Variants in NUP210 observed in about 807,000 individuals in gnomAD.
NUP210 encodes nuclear pore membrane glycoprotein 210.
NUP210 carries 151 observed loss-of-function variants against 196.0 expected under a neutral mutation model. That is an observed-to-expected ratio of 0.77 (90% confidence interval 0.67 to 0.88). The LOEUF (loss-of-function observed/expected upper bound fraction) is 0.88. Ranked by LOEUF, NUP210 falls within the 40% of genes least tolerant of loss-of-function variation. NUP210 has a pLI of 0.00. For synonymous variants in NUP210, 1,070 were observed against 1,052.7 expected (o/e 1.02, Z -0.32); for missense variants, 2,314 against 2,493.7 (o/e 0.93, Z 1.53).
At chr3:13,377,083 C>G (rs569823589) in intron 9 of NUP210, among the ~76,000 whole-genome samples, 1 of 152,212 alleles carries the variant, frequency 6.6e-6, no homozygotes, top group Non-Finnish European at 1.5e-5. Flanking sequence ...GGACGTGCTC[C>G]GTGACTCTCT....
chr3:13,333,066 T>C (rs1036847232), intron 28 of NUP210, among the ~76,000 whole-genome samples: 3 of 152,162 alleles, frequency 2.0e-5, no homozygotes, highest in Admixed American at 6.5e-5. Flanking sequence ...TCTGGCCATG[T>C]TCTTGCAGGA....
chr3:13,369,521 T>A (rs965242807), intron 13 of NUP210, among the ~76,000 whole-genome samples: 6 of 152,206 alleles, frequency 3.9e-5, no homozygotes, highest in African/African-American at 1.4e-4. Context: ...TTCCTCCAGT[T>A]TTCTTTTAGA....
chr3:13,324,215 C>T (rs1217252309), intron 33 of NUP210, among the ~76,000 whole-genome samples: 1 of 152,060 alleles, frequency 6.6e-6, no homozygotes. Context: ...TGGGACCCCC[C>T]AACGCTGGCC....
At chr3:13,388,745 A>G (rs1367966106) in intron 4 of NUP210, among the ~76,000 whole-genome samples, 1 of 152,208 alleles carries the variant, frequency 6.6e-6, no homozygotes, top group African/African-American at 2.4e-5. Context: ...GTAAATACTA[A>G]CATGCGAGAC....
chr3:13,388,188 G>T (rs1054499748), intron 5 of NUP210, 115 bp downstream of exon 5: 1 of 724,692 alleles, frequency 1.4e-6, no homozygotes, highest in Non-Finnish European at 2.2e-6. Context: ...TCACGGGACA[G>T]CATCTCACTT....
At chr3:13,386,540 C>T in intron 5 of NUP210, 133 bp from the exon 6 acceptor site, 1 of 1,166,836 alleles carries the variant, frequency 8.6e-7, no homozygotes, top group Non-Finnish European at 1.2e-6. Flanking sequence ...ATATCATTCC[C>T]AAATCCTCAC....
Position 13,323,337 on chromosome 3 carries a change from G to A in NUP210, c.4740C>T (p.Ala1580=), listed in dbSNP as rs191316237. The A allele has an allele frequency of 5.3e-5, 86 of 1,614,102 alleles. No homozygotes were observed. In the East Asian group the frequency reaches 1.8e-3, roughly 33 times the overall value. ...QEATASKVIV[A]VGDRSSNLRG... is the part of the protein sequence containing the mutation. The stretch of plus-strand genomic sequence containing the variant: ...TCAGGTTAGAGCTTCTGTCTCCCAC[G>A]GCAACAATCACTTTGGAGGCTGTAG... The change falls in exon 34 of 40, where the codon GCC becomes GCT. Residue 1580 remains alanine (A), a synonymous_variant. Coordinates refer to ENST00000254508, the MANE Select transcript of NUP210 (RefSeq NM_024923.4). This position sits in a 1 kb window ranked among gnomAD's most constrained non-coding sequence, Gnocchi z 4.3.
chr3:13,365,925 A>T, intron 14 of NUP210, 21 bp downstream of exon 14: 2 of 1,613,432 alleles, frequency 1.2e-6, no homozygotes, highest in Non-Finnish European at 1.7e-6. Flanking sequence ...GGGGTGGTAA[A>T]GGGCAGGGCC....
intron 3 of NUP210, among the ~76,000 whole-genome samples, chr3:13,392,146 GA>G (rs1447903312): frequency 6.6e-6 from 1 of 152,154 alleles, no homozygotes; most frequent in Non-Finnish European, 1.5e-5. Context: ...TGGGGGCCAA[GA>G]AAAGCTGTTT....
Position 13,323,500 on chromosome 3 carries a change from C to T in NUP210, c.4645-68G>A. On this transcript the variant is annotated intron_variant, in intron 33 of 39. Coordinates refer to ENST00000254508, the MANE Select transcript of NUP210 (RefSeq NM_024923.4). The surrounding 1 kb of genome is among the most constrained non-coding windows in gnomAD (Gnocchi z 4.3). Reference sequence around the variant, plus strand: ...TCCCGGTCCATGCTGGGCGTTTCCACAACCTCACCCTGCAGTCTGTGACAT... The same window carrying T: ...TCCCGGTCCATGCTGGGCGTTTCCATAACCTCACCCTGCAGTCTGTGACAT... The T allele has an allele frequency of 6.4e-7, 1 of 1,563,154 alleles. No individual in the cohort carries two copies. The highest frequency in any genetic ancestry group is 8.8e-7 in the Non-Finnish European group (1 of 1,141,092).
At chr3:13,387,047 G>A (rs1355947509) in intron 5 of NUP210, among the ~76,000 whole-genome samples, 2 of 152,200 alleles carry the variant, frequency 1.3e-5, no homozygotes, top group East Asian at 1.9e-4. Flanking sequence ...GTAGAAAAGC[G>A]ACAACACAGC....
At chr3:13,338,500 T>C (rs541020244) in intron 25 of NUP210, among the ~76,000 whole-genome samples, 44 of 152,324 alleles carry the variant, frequency 2.9e-4, no homozygotes, top group African/African-American at 1.0e-3. Context: ...GCTGAGCCCA[T>C]CTTGAGGCTC....
intron 6 of NUP210, among the ~76,000 whole-genome samples, chr3:13,382,165 T>C (rs907583457): frequency 2.0e-5 from 3 of 152,238 alleles, no homozygotes; most frequent in Admixed American, 6.5e-5. Flanking sequence ...CTTCAGATAC[T>C]GATTCGATCA....
intron 4 of NUP210, among the ~76,000 whole-genome samples, chr3:13,390,125 G>A (rs1257173179): frequency 1.3e-5 from 2 of 152,136 alleles, no homozygotes; most frequent in African/African-American, 2.4e-5. Flanking sequence ...GAAGACGGCC[G>A]GCAACAGTGT....
chr3:13,378,615 C>T (rs1478798488), intron 8 of NUP210, among the ~76,000 whole-genome samples: 1 of 152,182 alleles, frequency 6.6e-6, no homozygotes, highest in Admixed American at 6.5e-5. Flanking sequence ...TAGCAATGGT[C>T]AGGTCTGGGC....
chr3:13,386,223 TAAAA>T, intron 6 of NUP210, 48 bp downstream of exon 6: 1 of 1,577,118 alleles, frequency 6.3e-7, no homozygotes, highest in South Asian at 1.2e-5. Context: ...GTAACCACAA[TAAAA>T]AAAGGAGGAA....
intron 20 of NUP210, chr3:13,344,942 C>T (rs1272392394): frequency 9.1e-6 from 9 of 985,352 alleles, no homozygotes; most frequent in Admixed American, 6.1e-5. Context: ...TCAGCTCCTC[C>T]AGCACCTCTT....
rs547294395 is a variant in NUP210, at chr3:13,347,775, G to A, written c.2835+4104C>T. Reference sequence around the variant, plus strand: ...GAGTAGACATCCCTCGGAAACAGTCGCCTGCAACTGTTTCTGAAGCAACCA... The same window carrying A: ...GAGTAGACATCCCTCGGAAACAGTCACCTGCAACTGTTTCTGAAGCAACCA... On this transcript the variant is annotated intron_variant, in intron 20 of 39. Coordinates refer to ENST00000254508, the MANE Select transcript of NUP210 (RefSeq NM_024923.4). This position sits in a 1 kb window ranked among gnomAD's most constrained non-coding sequence, Gnocchi z 4.7. Among the ~76,000 whole-genome samples the A allele has an allele frequency of 6.6e-6, 1 of 152,178 alleles. No homozygotes were observed. Among genetic ancestry groups the A allele is most frequent in the Non-Finnish European group, 1.5e-5 (1 of 68,040 alleles).
Position 13,358,285 on chromosome 3 carries a change from C to A in NUP210, c.2265G>T (p.Ala755=). The change falls in exon 16 of 40, where the codon GCG becomes GCT. Residue 755 remains alanine, a synonymous_variant. Transcript: ENST00000254508. ...VCAPPSRLTL[A]PVYTSPQLDM... The stretch of plus-strand genomic sequence containing the variant: ...CCAGCTGGGGGCTGGTGTAGACAGG[C>A]GCGAGGGTGAGCCTGGACGGTGGGG... 2 of 1,613,784 alleles carry A rather than the reference C, an allele frequency of 1.2e-6. No homozygotes were observed. The highest frequency in any genetic ancestry group is 1.7e-6 in the Non-Finnish European group (2 of 1,179,908).
Sources: allele counts gnomAD v4.1 joint callset (sites outside exome capture counted in the v4.1 genomes callset), GRCh38; gene constraint gnomAD v4.1.1; non-coding constraint Gnocchi (gnomAD v3.1); transcripts MANE v1.5; gene names NCBI Gene and HGNC (gene_info 2026-07-23, HGNC 2026-07-21).